The following SGCD variants were observed in gnomAD, a reference collection of about 807,000 sequenced individuals.
SGCD encodes sarcoglycan delta.
SGCD carries 18 observed loss-of-function variants against 36.6 expected under a neutral mutation model. The observed-to-expected ratio is 0.49, with a 90% CI of 0.34 to 0.73. The LOEUF (loss-of-function observed/expected upper bound fraction) is 0.73, where lower values mean the gene tolerates loss of function less well. SGCD is among the 30% of genes least tolerant of loss of function. The pLI is 0.01. For synonymous variants in SGCD, 133 were observed against 130.6 expected (o/e 1.02, Z -0.12); for missense variants, 387 against 346.7 (o/e 1.12, Z -0.92).
intron 3 of SGCD, among the ~76,000 whole-genome samples, chr5:156,304,206 C>A (rs1203520958): frequency 6.6e-6 from 1 of 152,168 alleles, no homozygotes; most frequent in Non-Finnish European, 1.5e-5. Flanking sequence ...CCACTGAGTT[C>A]TGCTTTATGT....
At chr5:155,735,702 T>C in the SGCD span, among the ~76,000 whole-genome samples, 1 of 152,208 alleles carries the variant, frequency 6.6e-6, no homozygotes, top group Admixed American at 6.5e-5. Flanking sequence ...CAGATGAAGC[T>C]CTTGCTGAAA....
chr5:155,875,095 T>C (rs1438030308), intron 1 of SGCD, among the ~76,000 whole-genome samples: 1 of 152,110 alleles, frequency 6.6e-6, no homozygotes, highest in Non-Finnish European at 1.5e-5. Context: ...AAACTATTGA[T>C]GCAAGCAATA....
In SGCD at chr5:156,164,803, G is replaced by A. The variant is rs7731536; in HGVS notation, c.-44+40784G>A. Among the ~76,000 whole-genome samples the A allele has an allele frequency of 8.7e-3, 1,329 of 152,296 alleles. 14 individuals are homozygous for A. The highest frequency in any genetic ancestry group is 0.031 in the African/African-American group (1,279 of 41,560). On this transcript the variant is annotated intron_variant, in intron 3 of 9. Coordinates refer to the SGCD transcript ENST00000517913. ...TGTGCTTGGCTTTCAGAGGGACAAAGCTGGACAATATGGGTCTCAGCTCTC... is the reference window on the plus strand; with the variant it reads ...TGTGCTTGGCTTTCAGAGGGACAAAACTGGACAATATGGGTCTCAGCTCTC...
At chr5:156,075,363 T>A (rs1028491712) in intron 1 of SGCD, among the ~76,000 whole-genome samples, 7 of 151,932 alleles carry the variant, frequency 4.6e-5, no homozygotes, top group Non-Finnish European at 8.8e-5. Context: ...AAGAAAAAAC[T>A]ACAAACATTT....
At chr5:155,833,304 A>G in the SGCD span, among the ~76,000 whole-genome samples, 2 of 152,172 alleles carry the variant, frequency 1.3e-5, no homozygotes, top group African/African-American at 4.8e-5. Context: ...GCTTATTTCT[A>G]TAGACAAAAC....
intron 3 of SGCD, among the ~76,000 whole-genome samples, chr5:156,488,172 C>A (rs1233560117): frequency 1.5e-5 from 2 of 132,752 alleles, no homozygotes; most frequent in African/African-American, 5.5e-5. Flanking sequence ...TGAAAAAAGT[C>A]TGCCTAACAT....
At chr5:156,635,241 T>C (rs1462335181) in intron 6 of SGCD, among the ~76,000 whole-genome samples, 1 of 152,146 alleles carries the variant, frequency 6.6e-6, no homozygotes, top group African/African-American at 2.4e-5. Flanking sequence ...TTTTTAAAAA[T>C]GGGGCTTTCT....
At chr5:156,191,653 G>A (rs1210951409) in intron 3 of SGCD, among the ~76,000 whole-genome samples, 3 of 152,078 alleles carry the variant, frequency 2.0e-5, no homozygotes, top group African/African-American at 7.2e-5. Flanking sequence ...TGTCTCTTTT[G>A]TTTCTGAGCT....
chr5:156,450,029 T>C (rs1188593118), intron 3 of SGCD, among the ~76,000 whole-genome samples: 1 of 152,116 alleles, frequency 6.6e-6, no homozygotes, highest in Non-Finnish European at 1.5e-5. Flanking sequence ...GGAGGAAGGA[T>C]GTGAGCATCT....
chr5:155,730,445 C>CTTGTGTG, the SGCD span, among the ~76,000 whole-genome samples: 1 of 137,196 alleles, frequency 7.3e-6, no homozygotes, highest in African/African-American at 2.8e-5. Flanking sequence ...GGTAGAGCAG[C>CTTGTGTG]TGTGTGTGTG....
At chr5:156,025,516 G>A (rs1260128688) in intron 1 of SGCD, among the ~76,000 whole-genome samples, 1 of 152,160 alleles carries the variant, frequency 6.6e-6, no homozygotes, top group East Asian at 1.9e-4. Context: ...TTCAAGATGG[G>A]TCCATCCTTT....
chr5:156,452,191 G>C (rs1754051331), intron 3 of SGCD, among the ~76,000 whole-genome samples: 1 of 152,034 alleles, frequency 6.6e-6, no homozygotes, highest in Non-Finnish European at 1.5e-5. Context: ...CAATTTTCAT[G>C]CTCATCTCAC....
intron 3 of SGCD, among the ~76,000 whole-genome samples, chr5:156,295,563 G>A (rs1266670369): frequency 1.3e-5 from 2 of 151,820 alleles, no homozygotes; most frequent in Non-Finnish European, 2.9e-5. Flanking sequence ...CCTTCCATTT[G>A]GTCTGGAGGT....
intron 1 of SGCD, among the ~76,000 whole-genome samples, chr5:156,071,854 T>C (rs569313229): frequency 6.6e-6 from 1 of 152,370 alleles, no homozygotes; most frequent in South Asian, 2.1e-4. Context: ...TTAGCTCTTC[T>C]TGTTGAATTG....
chr5:155,803,253 G>T, the SGCD span, among the ~76,000 whole-genome samples: 1 of 152,056 alleles, frequency 6.6e-6, no homozygotes, highest in Non-Finnish European at 1.5e-5. Context: ...TGGAAAAGCC[G>T]AAAGAGCAGC....
At chr5:156,339,466 T>C (rs1258789799) in intron 2 of SGCD, among the ~76,000 whole-genome samples, 5 of 152,238 alleles carry the variant, frequency 3.3e-5, no homozygotes, top group Non-Finnish European at 7.3e-5. Context: ...GAATATACTT[T>C]ACTGTTTAAC....
chr5:156,060,065 A>G (rs1760163941), intron 1 of SGCD, among the ~76,000 whole-genome samples: 2 of 146,764 alleles, frequency 1.4e-5, no homozygotes, highest in African/African-American at 4.9e-5. Flanking sequence ...ATAAATTATG[A>G]ACTCTTCATA....
chr5:155,977,862 G>C lies in SGCD; in HGVS notation c.-282+107438G>C, dbSNP rs190950207. Among the ~76,000 whole-genome samples the C allele has an allele frequency of 1.1e-3, 173 of 152,264 alleles. 1 individual carries two copies. Among genetic ancestry groups the C allele is most frequent in the African/African-American group, 3.9e-3 (162 of 41,562 alleles). On this transcript the variant is annotated intron_variant, in intron 1 of 9. Transcript: ENST00000517913. ...CATAATCTCAGTACTTTGGGAGGCC[G>C]AGGTGGGCAGATCACGAGGTCAGCA...
chr5:156,008,931 G>A (rs531070534), intron 1 of SGCD, among the ~76,000 whole-genome samples: 42 of 152,270 alleles, frequency 2.8e-4, no homozygotes, highest in Admixed American at 1.8e-3. Context: ...ATTTATACAA[G>A]AGTCATATTT....
Sources: allele counts gnomAD v4.1 joint callset (sites outside exome capture counted in the v4.1 genomes callset), GRCh38; gene constraint gnomAD v4.1.1; transcripts MANE v1.5; gene names NCBI Gene and HGNC (gene_info 2026-07-23, HGNC 2026-07-21).